The following MAPT variants were observed in gnomAD, a reference collection of about 807,000 sequenced individuals.
MAPT encodes the protein microtubule associated protein tau.
MAPT carries 34 observed loss-of-function variants against 67.9 expected under a neutral mutation model. The observed-to-expected ratio is 0.50, with a 90% CI of 0.38 to 0.67. The LOEUF (loss-of-function observed/expected upper bound fraction) is 0.67. Ranked by LOEUF, MAPT falls within the 30% of genes least tolerant of loss-of-function variation. The pLI, the probability that MAPT is intolerant of heterozygous loss-of-function variation, is 0.00. For synonymous variants in MAPT, 456 were observed against 464.5 expected (o/e 0.98, Z 0.23); for missense variants, 881 against 1,115.2 (o/e 0.79, Z 2.99).
At chr17:46,009,476 G>C (rs535487515) in intron 9 of MAPT, among the ~76,000 whole-genome samples, 1 of 138,602 alleles carries the variant, frequency 7.2e-6, no homozygotes, top group Non-Finnish European at 1.7e-5. Flanking sequence ...ACCCATCCAG[G>C]CCACCCCTGC....
intron 1 of MAPT, among the ~76,000 whole-genome samples, chr17:45,944,862 A>G (rs1032318794): frequency 6.6e-6 from 1 of 152,088 alleles, no homozygotes; most frequent in Non-Finnish European, 1.5e-5. Flanking sequence ...AGTGGCCGTG[A>G]TGCTGCTGCG....
chr17:46,013,454 CCCTGGAGGCCACAGG>C (rs1367953640), intron 10 of MAPT, among the ~76,000 whole-genome samples: 1 of 152,232 alleles, frequency 6.6e-6, no homozygotes, highest in Non-Finnish European at 1.5e-5. Context: ...GGGAGCGGTG[CCCTGGAGGCCACAGG>C]CCTCCTCATG....
chr17:45,911,951 CT>C (rs1333324064), intron 1 of MAPT, among the ~76,000 whole-genome samples: 1 of 152,194 alleles, frequency 6.6e-6, no homozygotes. Context: ...TTGCCATGAT[CT>C]GTTCAAAAGT....
At chr17:45,901,762 C>G (rs1377212285) in intron 1 of MAPT, among the ~76,000 whole-genome samples, 1 of 152,134 alleles carries the variant, frequency 6.6e-6, no homozygotes, top group Non-Finnish European at 1.5e-5. Flanking sequence ...GGGCTCAGGT[C>G]TTCTCTTGGT....
Position 45,944,116 on chromosome 17 carries a change from G to A in MAPT, c.-17-18205G>A, listed in dbSNP as rs572455562. On this transcript the variant is annotated intron_variant, in intron 1 of 12. Transcript: ENST00000262410. Reference sequence around the variant, plus strand: ...CCAGAATATGACTGCTTGTTCAAGTGCCACCTTTCTCATGCATTTTTTTCT... The same window carrying A: ...CCAGAATATGACTGCTTGTTCAAGTACCACCTTTCTCATGCATTTTTTTCT... Among the ~76,000 whole-genome samples, 47 of 152,282 alleles carry A rather than the reference G, an allele frequency of 3.1e-4. 1 individual carries two copies. Among genetic ancestry groups the A allele is most frequent in the African/African-American group, 1.1e-3 (45 of 41,558 alleles).
chr17:46,018,601 T>C lies in MAPT; in HGVS notation c.2174-17T>C. The stretch of plus-strand genomic sequence containing the variant: ...AGAAGATGATGGCAAGATGCTCTTG[T>C]GTGTGTTGTGTTCTAGGAGGTGGCC... On this transcript the variant is annotated splice_polypyrimidine_tract_variant and intron_variant, in intron 11 of 12. Coordinates refer to ENST00000262410, the MANE Select transcript of MAPT (RefSeq NM_001377265.1). The C allele has an allele frequency of 1.3e-6, 2 of 1,528,712 alleles. No individual in the cohort carries two copies. The highest frequency in any genetic ancestry group is 1.1e-5 in the South Asian group (1 of 89,344). The allele number at this position is 1,528,712 out of a possible 1,614,324, so 94.7% of individuals were successfully genotyped here.
intron 1 of MAPT, among the ~76,000 whole-genome samples, chr17:45,909,891 A>AAAAAAAAAC (rs2064634682): frequency 7.0e-6 from 1 of 143,194 alleles, no homozygotes; most frequent in Non-Finnish European, 1.5e-5. Flanking sequence ...AAAAAAAAAA[A>AAAAAAAAAC]AAGCCATGCC....
At chr17:46,005,267 G>A (rs778636983) in intron 9 of MAPT, among the ~76,000 whole-genome samples, 9 of 151,768 alleles carry the variant, frequency 5.9e-5, no homozygotes, top group East Asian at 1.9e-4. Context: ...TTTTTGCCTC[G>A]GCTTCCAGGA....
chr17:45,941,589 CCCTTCCTT>C (rs199554596), intron 1 of MAPT, among the ~76,000 whole-genome samples: 6 of 132,652 alleles, frequency 4.5e-5, no homozygotes, highest in African/African-American at 8.7e-5. Flanking sequence ...CCTTTGCCCG[CCCTTCCTT>C]CCTTCCTTCC....
At position 46,010,107 on chromosome 17, in the gene MAPT, C is replaced by A. The variant is rs556884497; in HGVS notation, c.1999-203C>A. The stretch of plus-strand genomic sequence containing the variant: ...GGATGCCTTCAGAGCAGCCCTCTAT[C>A]CCTTCAGCTCCCCTGGGATGTGACT... On this transcript the variant is annotated intron_variant, in intron 9 of 12. Coordinates refer to ENST00000262410, the MANE Select transcript of MAPT (RefSeq NM_001377265.1). The surrounding 1 kb of genome is among the most constrained non-coding windows in gnomAD (Gnocchi z 4.7). Among the ~76,000 whole-genome samples, 1 of 152,194 alleles carries A rather than the reference C, an allele frequency of 6.6e-6. No individual in the cohort carries two copies. Among genetic ancestry groups the A allele is most frequent in the Non-Finnish European group, 1.5e-5 (1 of 68,034 alleles).
At chr17:45,967,574 T>C (rs113857334) in intron 2 of MAPT, among the ~76,000 whole-genome samples, 22,027 of 152,206 alleles carry the variant, frequency 0.14, 2,148 homozygotes, top group Non-Finnish European at 0.22. Flanking sequence ...GTGGGATGGG[T>C]GCAGCCAGGG....
intron 12 of MAPT, among the ~76,000 whole-genome samples, chr17:46,021,717 G>A (rs1384873069): frequency 1.3e-5 from 2 of 152,182 alleles, no homozygotes; most frequent in Non-Finnish European, 2.9e-5. Context: ...TTCCTGGTGC[G>A]TTGCAGTCCT....
chr17:45,907,854 C>T (rs1356956071), intron 1 of MAPT: 1 of 152,236 alleles, frequency 6.6e-6, no homozygotes, highest in East Asian at 1.9e-4. Context: ...TTATTATCCT[C>T]ATTTTGCAGA....
intron 4 of MAPT, chr17:45,978,699 A>G: frequency 2.0e-6 from 1 of 504,678 alleles, no homozygotes; most frequent in East Asian, 3.3e-5. Flanking sequence ...GGGAGTTGAG[A>G]ATGAATGTCT....
intron 9 of MAPT, among the ~76,000 whole-genome samples, chr17:46,003,867 C>A (rs2075222515): frequency 6.6e-6 from 1 of 152,190 alleles, no homozygotes; most frequent in Non-Finnish European, 1.5e-5. Context: ...TGAATCAAAT[C>A]ATTTTAAAGG....
chr17:45,990,867 A>G (rs886274549), intron 7 of MAPT, among the ~76,000 whole-genome samples: 2 of 152,182 alleles, frequency 1.3e-5, no homozygotes, highest in Non-Finnish European at 2.9e-5. Context: ...AGACTGTGCC[A>G]TGCCCGACTC....
In MAPT at chr17:45,971,757, G is replaced by A. The variant is rs1464972384; in HGVS notation, c.134-102G>A. On this transcript the variant is annotated intron_variant, in intron 2 of 12. Transcript: ENST00000262410. The surrounding 1 kb of genome is among the most constrained non-coding windows in gnomAD (Gnocchi z 4.3). The stretch of plus-strand genomic sequence containing the variant: ...TGTTCCAGCTGTTTCCACAGGGAGC[G>A]ATTTTCAGCTCCACAGGACACTGCT... 2.0e-5 allele frequency: 17 copies of A among 866,232 alleles called. 1 individual carries two copies. The highest frequency in any genetic ancestry group is 3.7e-5 in the Admixed American group (2 of 53,666). 53.7% of individuals were successfully genotyped at this position (866,232 alleles called of 1,614,324 possible).
intron 1 of MAPT, among the ~76,000 whole-genome samples, chr17:45,941,677 T>TCCA (rs1568207348): frequency 2.0e-5 from 2 of 99,350 alleles, no homozygotes; most frequent in Admixed American, 1.1e-4. Flanking sequence ...CTTCCCCCCT[T>TCCA]CCCTCCTTCC....
At chr17:45,983,964 G>A (rs1598277354) in intron 5 of MAPT, 34 bp downstream of exon 5, 1 of 1,513,784 alleles carries the variant, frequency 6.6e-7, no homozygotes. Context: ...TCCTTCCCTG[G>A]GGACCTCCCA....
Sources: gnomAD v4.1 joint callset for allele counts (sites outside exome capture counted in the v4.1 genomes callset) on GRCh38, gnomAD v4.1.1 for gene constraint, Gnocchi (gnomAD v3.1) non-coding constraint, MANE v1.5 for transcripts, NCBI Gene and HGNC (gene_info 2026-07-23, HGNC 2026-07-21) for gene names.